Variants in ADGRG2 observed in about 807,000 individuals in gnomAD.
ADGRG2 encodes G protein-coupled receptor 64.
ADGRG2 carries 26 observed loss-of-function variants against 74.1 expected under a neutral mutation model. The observed-to-expected ratio is 0.35, with a 90% CI of 0.26 to 0.49. The LOEUF (loss-of-function observed/expected upper bound fraction) is 0.49, where lower values mean the gene tolerates loss of function less well. ADGRG2 is among the 20% of genes least tolerant of loss of function. ADGRG2 has a pLI of 0.99. For missense variants in ADGRG2, 619 were observed against 763.1 expected (o/e 0.81, Z 2.22); for synonymous variants, 296 against 295.2 (o/e 1.00, Z -0.03).
intron 1 of ADGRG2, among the ~76,000 whole-genome samples, chrX:19,092,392 C>T (rs1439913144): frequency 3.9e-5 from 4 of 102,827 alleles, no homozygotes; most frequent in African/African-American, 1.5e-4. Flanking sequence ...TTGATGGGGG[C>T]GAGAATAAAA....
At chrX:19,045,160 A>C (rs770434897) in intron 3 of ADGRG2, among the ~76,000 whole-genome samples, 6 of 110,901 alleles carry the variant, frequency 5.4e-5, no homozygotes, top group Non-Finnish European at 1.1e-4. Flanking sequence ...AAGGCCTCAC[A>C]GATCATTGCT....
chrX:19,008,043 A>G lies in ADGRG2; in HGVS notation c.1503T>C (p.Ala501=). The change falls in exon 19 of 29, where the codon GCT becomes GCC. Residue 501 remains alanine (A), a synonymous_variant. Transcript: ENST00000379869. ...LPSSLMNNLP[A]HDMELASRVQ... ...CCCTGGAAGCTAGCTCCATGTCATG[A>G]GCTGGTAAATTATTCATCAGCGATG... 5 of 1,199,717 alleles carry G rather than the reference A, an allele frequency of 4.2e-6. No individual in the cohort carries two copies. The highest frequency in any genetic ancestry group is 5.7e-6 in the Non-Finnish European group (5 of 884,875).
intron 16 of ADGRG2, among the ~76,000 whole-genome samples, chrX:19,012,465 G>A (rs1043000250): frequency 9.1e-6 from 1 of 109,996 alleles, no homozygotes; most frequent in African/African-American, 3.3e-5. Context: ...CAGCCCCAAT[G>A]CTTTTCTAAT....
rs985109706 is a variant in ADGRG2, at chrX:19,092,943, G to C, written c.-46-10197C>G. On this transcript the variant is annotated intron_variant, in intron 1 of 28. Coordinates refer to ENST00000379869, the MANE Select transcript of ADGRG2 (RefSeq NM_001079858.3). ...GAATATAAATTACAGAAGGAGATCA[G>C]GACCAAGGAGGGAAACTGGGAAGTT... Among the ~76,000 whole-genome samples, 3 of 112,162 alleles carry C rather than the reference G, an allele frequency of 2.7e-5. No homozygotes were observed. The South Asian group carries it at 1.1e-3, about 41-fold the overall frequency.
At chrX:19,074,550 C>CT (rs1475915380) in intron 2 of ADGRG2, among the ~76,000 whole-genome samples, 26 of 84,316 alleles carry the variant, frequency 3.1e-4, no homozygotes, top group African/African-American at 1.3e-3. Context: ...TTTCTTTCTT[C>CT]TTCTTCTTCT....
intron 26 of ADGRG2, among the ~76,000 whole-genome samples, chrX:18,998,711 A>G (rs1306610139): frequency 1.9e-5 from 2 of 105,102 alleles, no homozygotes; most frequent in African/African-American, 3.5e-5. Flanking sequence ...GTGTCTCTGT[A>G]TCAGCAGTTT....
At chrX:19,057,154 G>T (rs1315582356) in intron 3 of ADGRG2, among the ~76,000 whole-genome samples, 2 of 111,811 alleles carry the variant, frequency 1.8e-5, no homozygotes, top group Non-Finnish European at 3.8e-5. Context: ...TCAGTAATTT[G>T]TAGAGGGCAT....
At position 19,013,612 on chromosome X, in the gene ADGRG2, C is replaced by A. The variant is rs140832379; in HGVS notation, c.1099+74G>T. 5.3e-5 allele frequency: 48 copies of A among 906,705 alleles called. No homozygotes were observed. The African/African-American group carries it at 6.6e-4, about 13-fold the overall frequency. The allele number at this position is 906,705 out of a possible 1,213,427, so 74.7% of individuals were successfully genotyped here. A position where few individuals can be genotyped will look rare whatever the true frequency, so the allele number is the denominator to read the frequency against. On this transcript the variant is annotated intron_variant, in intron 16 of 28. Transcript: ENST00000379869. ...CTCTAGAAATCAAGCGAACATCATA[C>A]AAAGAAAGGCTCAACATGGTCTTAT...
Position 19,117,002 on chromosome X carries a change from T to C in ADGRG2, c.-47+5440A>G, listed in dbSNP as rs144884330. Among the ~76,000 whole-genome samples the C allele has an allele frequency of 4.9e-3, 551 of 112,134 alleles. 4 individuals carry two copies. The highest frequency in any genetic ancestry group is 0.017 in the African/African-American group (518 of 30,856). On this transcript the variant is annotated intron_variant, in intron 1 of 28. Transcript: ENST00000379869. Reference sequence around the variant, plus strand: ...AGTATGTTTGGACTGAGCTGAAATATAAAATGTGGCCAGGCGTGATGGCTC... The same window carrying C: ...AGTATGTTTGGACTGAGCTGAAATACAAAATGTGGCCAGGCGTGATGGCTC...
intron 1 of ADGRG2, among the ~76,000 whole-genome samples, chrX:19,084,812 G>A (rs2061912546): frequency 1.8e-5 from 2 of 111,715 alleles, no homozygotes; most frequent in African/African-American, 6.5e-5. Flanking sequence ...GGCTCTGTTC[G>A]CTCCCTTGGA....
intron 2 of ADGRG2, among the ~76,000 whole-genome samples, chrX:19,070,863 AC>A (rs1268433600): frequency 8.9e-6 from 1 of 111,793 alleles, no homozygotes; most frequent in African/African-American, 3.3e-5. Flanking sequence ...CATCTAGCAA[AC>A]TGAGACAACA....
Position 19,111,159 on chromosome X carries a change from G to C in ADGRG2, c.-47+11283C>G, listed in dbSNP as rs763851391. Among the ~76,000 whole-genome samples the C allele has an allele frequency of 9.8e-4, 110 of 111,715 alleles. 1 individual carries two copies. Among genetic ancestry groups the C allele is most frequent in the Non-Finnish European group, 1.9e-3 (102 of 53,182 alleles). On this transcript the variant is annotated intron_variant, in intron 1 of 28. Transcript: ENST00000379869. The stretch of plus-strand genomic sequence containing the variant: ...AGTGAATGGTGATGTCATGGACTGA[G>C]ATGGATTTCACAGGGAGAGAATCAG...
intron 3 of ADGRG2, among the ~76,000 whole-genome samples, chrX:19,046,671 C>A (rs1038906765): frequency 8.9e-6 from 1 of 111,835 alleles, no homozygotes; most frequent in South Asian, 3.7e-4. Context: ...CAGAGGTGAG[C>A]AACAGCAGGA....
At chrX:19,065,742 G>A (rs2061558489) in intron 3 of ADGRG2, among the ~76,000 whole-genome samples, 1 of 111,702 alleles carries the variant, frequency 9.0e-6, no homozygotes, top group African/African-American at 3.3e-5. Context: ...TAACCTCCCT[G>A]GGGACATTTA....
At chrX:19,007,132 A>G in intron 20 of ADGRG2, 103 bp downstream of exon 20, 1 of 823,839 alleles carries the variant, frequency 1.2e-6, no homozygotes, top group East Asian at 3.2e-5. Flanking sequence ...GCTGAGCTGA[A>G]GGTTCTTTCT....
chrX:19,072,782 T>C (rs1280762539), intron 2 of ADGRG2, among the ~76,000 whole-genome samples: 2 of 110,690 alleles, frequency 1.8e-5, no homozygotes, highest in Admixed American at 9.5e-5. Context: ...GCTGAACATA[T>C]GTTTTTGGAG....
chrX:19,054,072 CA>C (rs1199965986), intron 3 of ADGRG2, among the ~76,000 whole-genome samples: 1 of 111,936 alleles, frequency 8.9e-6, no homozygotes, highest in African/African-American at 3.2e-5. Context: ...GGAATACAGC[CA>C]AACCATATCA....
At chrX:19,033,716 C>A in intron 7 of ADGRG2, 62 bp from the exon 8 acceptor site, 1 of 523,350 alleles carries the variant, frequency 1.9e-6, no homozygotes, top group Non-Finnish European at 3.3e-6. Context: ...AAACAATTTG[C>A]CATGAGTATC....
At chrX:19,102,149 T>C (rs1253973399) in intron 1 of ADGRG2, among the ~76,000 whole-genome samples, 3 of 100,642 alleles carry the variant, frequency 3.0e-5, no homozygotes, top group Non-Finnish European at 6.1e-5. Flanking sequence ...GGCAGGCAGA[T>C]CACTTGAGCC....
Sources: allele counts gnomAD v4.1 joint callset (sites outside exome capture counted in the v4.1 genomes callset), GRCh38; gene constraint gnomAD v4.1.1; transcripts MANE v1.5; gene names NCBI Gene and HGNC (gene_info 2026-07-23, HGNC 2026-07-21).